Variants in ACADM observed in about 807,000 individuals in gnomAD.
ACADM encodes medium-chain specific acyl-CoA dehydrogenase, mitochondrial.
A neutral mutation model predicts 58.9 loss-of-function variants in ACADM; 49 were observed. That is an observed-to-expected ratio of 0.83 (90% CI 0.66 to 1.06). ACADM has a LOEUF of 1.06. Among genes scored for constraint, ACADM ranks in the 50% least tolerant of loss-of-function variants. The pLI is 0.00. For synonymous variants in ACADM, 160 were observed against 157.7 expected (o/e 1.01, Z -0.11); for missense variants, 496 against 507.0 (o/e 0.98, Z 0.21).
intron 1 of ACADM, among the ~76,000 whole-genome samples, chr1:75,726,595 G>A (rs1647061284): frequency 6.6e-6 from 1 of 152,078 alleles, no homozygotes; most frequent in Non-Finnish European, 1.5e-5. Flanking sequence ...TTAGAATCCT[G>A]GTTGCACTAA....
Position 75,763,269 on chromosome 1 carries a change from C to T in ACADM, c.*506C>T, listed in dbSNP as rs1037795230. On this transcript the variant is annotated 3_prime_UTR_variant, in exon 12 of 12. Coordinates refer to ENST00000370841, the MANE Select transcript of ACADM (RefSeq NM_000016.6). ...GGCACAGAAACAGTCAAAATTTTGA[C>T]ATTCATATTCTCCTATTTTACAGCT... 6.6e-6 allele frequency: 1 copy of T among 152,160 alleles called. No homozygotes were observed. Among genetic ancestry groups the T allele is most frequent in the Non-Finnish European group, 1.5e-5 (1 of 68,036 alleles). 9.4% of individuals were successfully genotyped at this position (152,160 alleles called of 1,614,324 possible).
At chr1:75,742,480 C>T (rs74090732) in intron 7 of ACADM, among the ~76,000 whole-genome samples, 2,885 of 152,284 alleles carry the variant, frequency 0.019, 96 homozygotes, top group African/African-American at 0.066. Flanking sequence ...CCTCAGCCCA[C>T]GGGCTTACAG....
chr1:75,729,136 A>C (rs1187912593), intron 2 of ACADM, among the ~76,000 whole-genome samples: 2 of 151,934 alleles, frequency 1.3e-5, no homozygotes, highest in Non-Finnish European at 2.9e-5. Context: ...GCGATAACTC[A>C]CAGCTAGGTA....
intron 6 of ACADM, among the ~76,000 whole-genome samples, chr1:75,736,840 C>A (rs1647282103): frequency 6.6e-6 from 1 of 152,018 alleles, no homozygotes; most frequent in South Asian, 2.1e-4. Flanking sequence ...AGTATTACTT[C>A]CTTATTGTAG....
intron 10 of ACADM, among the ~76,000 whole-genome samples, chr1:75,757,676 T>A (rs1648587408): frequency 6.6e-6 from 1 of 152,182 alleles, no homozygotes; most frequent in Non-Finnish European, 1.5e-5. Flanking sequence ...GAACTAGAAA[T>A]GCCATTTGAC....
chr1:75,733,863 T>A (rs1419433518), intron 5 of ACADM, among the ~76,000 whole-genome samples: 3 of 152,222 alleles, frequency 2.0e-5, no homozygotes, highest in African/African-American at 7.2e-5. Flanking sequence ...GAGTTCTGAC[T>A]GTCCTTTGGA....
intron 2 of ACADM, chr1:75,732,393 C>G (rs984816739): frequency 2.2e-6 from 1 of 447,610 alleles, no homozygotes; most frequent in Non-Finnish European, 4.0e-6. Flanking sequence ...CACTTGAGCT[C>G]TACAGGTTAA....
rs1647018120 is a variant in ACADM, at chr1:75,724,731, G to A, written c.-57G>A. The A allele has an allele frequency of 6.5e-7, 1 of 1,541,498 alleles. No individual in the cohort carries two copies. The highest frequency in any genetic ancestry group is 1.2e-5 in the South Asian group (1 of 83,350). On this transcript the variant is annotated 5_prime_UTR_variant, in exon 1 of 12. Transcript: ENST00000370841. ...ACCAGAGGAGTCCCGCGTTCGGGGA[G>A]TATGTCAAGGCCGTGACCCGTGTAT... is the stretch of plus-strand genomic sequence containing the variant.
intron 2 of ACADM, among the ~76,000 whole-genome samples, chr1:75,730,402 C>G (rs1168344157): frequency 6.6e-6 from 1 of 152,076 alleles, no homozygotes; most frequent in African/African-American, 2.4e-5. Flanking sequence ...GGTTCTTTAT[C>G]TGTAAAGTGG....
Position 75,732,936 on chromosome 1 carries a change from A to T in ACADM, c.286+14A>T. 6.2e-7 allele frequency: 1 copy of T among 1,613,464 alleles called. No homozygotes were observed. ...CAGAGAACTGTGGTAAGCTTTCTTTATATTTTTAATACTGGAATGCATATG... is the reference window on the plus strand; with the variant it reads ...CAGAGAACTGTGGTAAGCTTTCTTTTTATTTTTAATACTGGAATGCATATG... On this transcript the variant is annotated intron_variant, in intron 4 of 11. Transcript: ENST00000370841.
chr1:75,762,716 CAA>C lies in ACADM; in HGVS notation c.1221_1222del (p.Arg408ThrfsTer6), dbSNP rs875989860. On this transcript the variant is annotated frameshift_variant, in exon 12 of 12. Coordinates refer to ENST00000370841, the MANE Select transcript of ACADM (RefSeq NM_000016.6). LOFTEE classifies it high-confidence loss of function. ...GATTTATGAAGGTACTTCACAAATT[CAA>C]AGACTTATTGTAGCCCGTGAACACA... ...YQIYEGTSQI[Q>X]RLIVAREHID... 18 of 1,607,496 alleles carry C rather than the reference CAA, an allele frequency of 1.1e-5. No homozygotes were observed. Among genetic ancestry groups the C allele is most frequent in the Non-Finnish European group, 1.4e-5 (17 of 1,174,644 alleles).
chr1:75,734,581 A>T (rs1163069038), intron 5 of ACADM: 2 of 538,646 alleles, frequency 3.7e-6, no homozygotes, highest in Non-Finnish European at 6.6e-6. Context: ...TTATAATGCC[A>T]CAGGTCCTAC....
rs1179055934 is a variant in ACADM at position 75,732,841 on chromosome 1, T to C, written c.217-12T>C. 2.5e-6 allele frequency: 4 copies of C among 1,612,208 alleles called. No individual in the cohort carries two copies. The highest frequency in any genetic ancestry group is 3.4e-6 in the Non-Finnish European group (4 of 1,178,424). On this transcript the variant is annotated splice_polypyrimidine_tract_variant and intron_variant, in intron 3 of 11. Coordinates refer to ENST00000370841, the MANE Select transcript of ACADM (RefSeq NM_000016.6). ...TTCAAAATATATTTTAACTCAGTTCTTTTTCTTCTAGTATCCAGTCCCCCT... is the reference window on the plus strand; with the variant it reads ...TTCAAAATATATTTTAACTCAGTTCCTTTTCTTCTAGTATCCAGTCCCCCT...
rs1022879056 is a variant in ACADM, at chr1:75,749,483, C to T, written c.773C>T (p.Pro258Leu). Residue 258 changes from proline to leucine, a missense_variant, in exon 9 of 12, where the codon CCT becomes CTT. Physicochemically the swap from Pro to Leu is moderately conservative, Grantham distance 98 (BLOSUM62 -3). Transcript: ENST00000370841. ...RGIVFEDVKV[P>L]KENVLIGDGA... ...ATTGTCTTCGAAGATGTGAAAGTGC[C>T]TAAAGAAAATGTTTTAATTGGTGAC... The T allele has an allele frequency of 1.5e-5, 24 of 1,614,020 alleles. No homozygotes were observed. Among genetic ancestry groups the T allele is most frequent in the Non-Finnish European group, 2.0e-5 (24 of 1,179,960 alleles).
chr1:75,726,906 G>A (rs1647066450), intron 1 of ACADM, among the ~76,000 whole-genome samples: 1 of 149,762 alleles, frequency 6.7e-6, no homozygotes, highest in African/African-American at 2.5e-5. Flanking sequence ...CCGGGTTCAA[G>A]CGATTCTCCT....
chr1:75,735,171 C>T (rs904297049), intron 6 of ACADM, among the ~76,000 whole-genome samples: 2 of 151,800 alleles, frequency 1.3e-5, no homozygotes, highest in African/African-American at 4.8e-5. Context: ...CAAAAATTAA[C>T]CAGGCGTGAT....
At chr1:75,724,936 G>A (rs1647024860) in intron 1 of ACADM, 119 bp downstream of exon 1, 2 of 1,131,540 alleles carry the variant, frequency 1.8e-6, no homozygotes, top group South Asian at 2.9e-5. Context: ...GCTGAGGAAG[G>A]AGCCAGCCTA....
At chr1:75,752,633 G>GT (rs1199495823) in intron 10 of ACADM, among the ~76,000 whole-genome samples, 1 of 151,724 alleles carries the variant, frequency 6.6e-6, no homozygotes, top group Non-Finnish European at 1.5e-5. Flanking sequence ...AGTTATATTT[G>GT]GTTTTTTCCA....
At chr1:75,731,278 C>CAAAAAAAAA (rs56885972) in intron 2 of ACADM, among the ~76,000 whole-genome samples, 1 of 64,932 alleles carries the variant, frequency 1.5e-5, no homozygotes, top group Non-Finnish European at 2.7e-5. Context: ...GACTCCGTCT[C>CAAAAAAAAA]AAAAAAAAAA....
Sources: gnomAD v4.1 joint callset for allele counts (sites outside exome capture counted in the v4.1 genomes callset) on GRCh38, gnomAD v4.1.1 for gene constraint, MANE v1.5 for transcripts, NCBI Gene and HGNC (gene_info 2026-07-23, HGNC 2026-07-21) for gene names.